The following CSGALNACT1 variants were observed in gnomAD, a reference collection of about 807,000 sequenced individuals.
CSGALNACT1 encodes the protein beta4GalNAcT-1.
In CSGALNACT1, 52 loss-of-function variants were observed where a neutral mutation model predicts 51.0. That is an observed-to-expected ratio of 1.02 (90% CI 0.82 to 1.29). The LOEUF (loss-of-function observed/expected upper bound fraction) is 1.29, where lower values mean the gene tolerates loss of function less well. CSGALNACT1 is among the 50% of genes most tolerant of loss of function. The pLI is 0.00. For synonymous variants in CSGALNACT1, 341 were observed against 254.4 expected, an observed-to-expected ratio of 1.34 and a Z score of -3.24; for missense variants, 935 against 679.2, an observed-to-expected ratio of 1.38 and a Z score of -4.19.
intron 1 of CSGALNACT1, among the ~76,000 whole-genome samples, chr8:19,674,394 T>C (rs895353755): frequency 2.0e-5 from 3 of 151,550 alleles, no homozygotes; most frequent in African/African-American, 7.3e-5. Flanking sequence ...AGATCAGAAG[T>C]TGAGTGAGAG....
intron 1 of CSGALNACT1, among the ~76,000 whole-genome samples, chr8:19,626,594 T>C (rs770271081): frequency 6.6e-6 from 1 of 152,220 alleles, no homozygotes; most frequent in Non-Finnish European, 1.5e-5. Context: ...CAATTCATTA[T>C]AAATTTGTTT....
chr8:19,721,514 A>G lies in CSGALNACT1; in HGVS notation c.-297+36336T>C, dbSNP rs563198526. On this transcript the variant is annotated intron_variant, in intron 1 of 1. Coordinates refer to the CSGALNACT1 transcript ENST00000517494. Reference sequence around the variant, plus strand: ...AAGAAACTCGGAGGAATAATCATAAAGCCTGATGGACCATGACAAGCACAT... The same window carrying G: ...AAGAAACTCGGAGGAATAATCATAAGGCCTGATGGACCATGACAAGCACAT... 1.6e-4 allele frequency among the ~76,000 whole-genome samples: 25 copies of G among 152,352 alleles called. 2 individuals are homozygous for G. The South Asian group carries it at 5.0e-3, about 30-fold the overall frequency.
chr8:19,755,565 A>G (rs2065317978), intron 1 of CSGALNACT1, among the ~76,000 whole-genome samples: 1 of 151,460 alleles, frequency 6.6e-6, no homozygotes, highest in South Asian at 2.1e-4. Flanking sequence ...AAACATCTCT[A>G]TAAGGTGAGG....
chr8:19,626,980 C>T (rs572997777), intron 1 of CSGALNACT1, among the ~76,000 whole-genome samples: 66 of 152,302 alleles, frequency 4.3e-4, no homozygotes, highest in African/African-American at 1.4e-3. Flanking sequence ...CAACCACTAA[C>T]GGAAACAATT....
intron 1 of CSGALNACT1, among the ~76,000 whole-genome samples, chr8:19,634,029 A>G (rs751180208): frequency 6.6e-6 from 1 of 152,112 alleles, no homozygotes; most frequent in South Asian, 2.1e-4. Flanking sequence ...TCTACGGAAA[A>G]CCCATAAAGC....
intron 8 of CSGALNACT1, among the ~76,000 whole-genome samples, chr8:19,415,955 G>T (rs929107530): frequency 2.6e-5 from 4 of 152,026 alleles, no homozygotes; most frequent in African/African-American, 9.7e-5. Flanking sequence ...ACATAGAAAA[G>T]GTACAGGAAA....
At chr8:19,536,553 A>C (rs1201681920) in intron 3 of CSGALNACT1, among the ~76,000 whole-genome samples, 1 of 152,220 alleles carries the variant, frequency 6.6e-6, no homozygotes, top group Non-Finnish European at 1.5e-5. Flanking sequence ...GGAAAATGTA[A>C]TCAGGAGTTA....
rs1585587184 is a variant in CSGALNACT1 at position 19,420,650 on chromosome 8, A to T, written c.954-132T>A. 3 of 934,268 alleles carry T rather than the reference A, an allele frequency of 3.2e-6. No individual in the cohort carries two copies. The Admixed American group carries it at 5.3e-5, about 17-fold the overall frequency. 57.9% of individuals were successfully genotyped at this position (934,268 alleles called of 1,614,324 possible). On this transcript the variant is annotated intron_variant, in intron 6 of 9. Coordinates refer to ENST00000454498, the Ensembl canonical transcript of CSGALNACT1. ...TAACCTGAGGGCACTGGGACTCCCC[A>T]AGAAGTTACAGAACGGCCCAGACTC...
chr8:19,469,672 G>A (rs972735097), intron 4 of CSGALNACT1, among the ~76,000 whole-genome samples: 2 of 152,142 alleles, frequency 1.3e-5, no homozygotes, highest in African/African-American at 2.4e-5. Context: ...TTCCTACCAT[G>A]TAGGTCTCCG....
upstream of CSGALNACT1, among the ~76,000 whole-genome samples, chr8:19,684,975 A>G (rs2060891091): frequency 6.6e-6 from 1 of 152,222 alleles, no homozygotes; most frequent in Non-Finnish European, 1.5e-5. Flanking sequence ...CTACTGTAAC[A>G]GCACTCACAG....
chr8:19,607,109 C>T (rs1011777874), upstream of CSGALNACT1, among the ~76,000 whole-genome samples: 7 of 151,304 alleles, frequency 4.6e-5, no homozygotes, highest in Non-Finnish European at 8.8e-5. Context: ...GAGCTGAGAA[C>T]GCGCCACGGC....
At chr8:19,533,499 C>CA (rs1335557161) in intron 3 of CSGALNACT1, among the ~76,000 whole-genome samples, 1 of 152,100 alleles carries the variant, frequency 6.6e-6, no homozygotes, top group East Asian at 1.9e-4. Context: ...CAAGACTTAT[C>CA]AATATCAAAT....
chr8:19,550,765 C>T (rs1237166947), intron 3 of CSGALNACT1, among the ~76,000 whole-genome samples: 1 of 152,132 alleles, frequency 6.6e-6, no homozygotes. Context: ...ATCCTCTAAT[C>T]CTGGCATGGT....
intron 2 of CSGALNACT1, among the ~76,000 whole-genome samples, chr8:19,601,162 G>C (rs950554045): frequency 1.3e-5 from 2 of 152,160 alleles, no homozygotes; most frequent in Non-Finnish European, 2.9e-5. Flanking sequence ...TACAAGAGCA[G>C]AACTAAAACA....
At chr8:19,694,788 A>C (rs58653515) in intron 1 of CSGALNACT1, among the ~76,000 whole-genome samples, 20,774 of 152,236 alleles carry the variant, frequency 0.14, 1,793 homozygotes, top group East Asian at 0.41. Flanking sequence ...CCTGAAGGTA[A>C]AGCACATTAA....
intron 1 of CSGALNACT1, among the ~76,000 whole-genome samples, chr8:19,701,813 C>G (rs1430745448): frequency 6.6e-6 from 1 of 152,190 alleles, no homozygotes; most frequent in East Asian, 1.9e-4. Context: ...TCAATCCACT[C>G]AATCTGGTTC....
chr8:19,408,564 C>T (rs751103509), intron 9 of CSGALNACT1, 49 bp downstream of exon 8: 2 of 1,348,222 alleles, frequency 1.5e-6, no homozygotes, highest in East Asian at 3.7e-5. Context: ...TCAAGGCCTA[C>T]ATGGGCCCGT....
At chr8:19,709,345 G>T (rs1213379991) in intron 1 of CSGALNACT1, among the ~76,000 whole-genome samples, 2 of 152,208 alleles carry the variant, frequency 1.3e-5, no homozygotes, top group East Asian at 3.8e-4. Context: ...TAGGCATCAG[G>T]CCTGCCTTCA....
At chr8:19,716,416 T>A (rs1207965627) in intron 1 of CSGALNACT1, among the ~76,000 whole-genome samples, 1 of 152,042 alleles carries the variant, frequency 6.6e-6, no homozygotes, top group Non-Finnish European at 1.5e-5. Flanking sequence ...ACATGGTTTA[T>A]CTTTTATCTC....
Sources: allele counts gnomAD v4.1 joint callset (sites outside exome capture counted in the v4.1 genomes callset), GRCh38; gene constraint gnomAD v4.1.1; transcripts MANE v1.5; gene names NCBI Gene and HGNC (gene_info 2026-07-23, HGNC 2026-07-21).